The following UGGT2 variants were observed in gnomAD, a reference collection of about 807,000 sequenced individuals.
UGGT2 encodes UDP-glucose glycoprotein glucosyltransferase 2.
A neutral mutation model predicts 192.1 loss-of-function variants in UGGT2; 180 were observed. The observed-to-expected ratio is 0.94, with a 90% CI of 0.83 to 1.06. UGGT2 has a LOEUF of 1.06. UGGT2 is among the 50% of genes least tolerant of loss of function. The pLI, the probability that UGGT2 is intolerant of heterozygous loss-of-function variation, is 0.00. For synonymous variants in UGGT2, 580 were observed against 591.0 expected (o/e 0.98, Z 0.27); for missense variants, 1,849 against 1,795.7 (o/e 1.03, Z -0.54).
chr13:96,001,177 C>T (rs928993097), intron 5 of UGGT2, among the ~76,000 whole-genome samples: 6 of 152,174 alleles, frequency 3.9e-5, no homozygotes, highest in Non-Finnish European at 7.3e-5. Context: ...CCTGAAGTAA[C>T]TGAAGAATCA....
At chr13:95,884,979 A>C (rs1263266428) in intron 26 of UGGT2, among the ~76,000 whole-genome samples, 5 of 152,166 alleles carry the variant, frequency 3.3e-5, no homozygotes, top group African/African-American at 9.7e-5. Flanking sequence ...ATGATCTGTT[A>C]TTGTATTATG....
intron 24 of UGGT2, among the ~76,000 whole-genome samples, 156 bp downstream of exon 24, chr13:95,894,402 ATAAC>A (rs1298183847): frequency 1.3e-5 from 2 of 152,186 alleles, no homozygotes; most frequent in African/African-American, 4.8e-5. Flanking sequence ...ACTAGAATAT[ATAAC>A]TAACTGGAAT....
intron 1 of UGGT2, among the ~76,000 whole-genome samples, chr13:96,051,633 T>C (rs2053488832): frequency 1.4e-5 from 2 of 142,544 alleles, no homozygotes; most frequent in African/African-American, 5.0e-5. Flanking sequence ...GGAACTCAAA[T>C]CAGCAGGAAA....
chr13:95,888,589 C>T (rs1278914342), intron 25 of UGGT2, among the ~76,000 whole-genome samples: 2 of 152,056 alleles, frequency 1.3e-5, no homozygotes. Context: ...GAAATTAGAA[C>T]ATAAAGACTA....
chr13:95,807,352 G>C (rs1235024746), intron 38 of UGGT2, among the ~76,000 whole-genome samples: 1 of 152,092 alleles, frequency 6.6e-6, no homozygotes, highest in East Asian at 1.9e-4. Context: ...GGTAGAAGGG[G>C]AGGCAGCAGA....
At chr13:95,925,589 G>T (rs907240111) in intron 20 of UGGT2, 91 bp downstream of exon 20, 12 of 850,072 alleles carry the variant, frequency 1.4e-5, no homozygotes, top group Non-Finnish European at 2.0e-5. Flanking sequence ...ACATTAACAT[G>T]GAGGGGAAAA....
intron 17 of UGGT2, among the ~76,000 whole-genome samples, chr13:95,929,037 T>C (rs969506856): frequency 1.3e-5 from 2 of 151,824 alleles, no homozygotes; most frequent in Admixed American, 6.5e-5. Context: ...CACCAAAAAA[T>C]ACGAAAACCA....
At chr13:95,899,099 ACT>A (rs1183566528) in intron 22 of UGGT2, among the ~76,000 whole-genome samples, 1 of 152,116 alleles carries the variant, frequency 6.6e-6, no homozygotes, top group Non-Finnish European at 1.5e-5. Context: ...TGAAGGGAGC[ACT>A]CTGTTGCCCT....
intron 12 of UGGT2, among the ~76,000 whole-genome samples, chr13:95,963,172 CA>C (rs1395129277): frequency 6.6e-6 from 1 of 151,802 alleles, no homozygotes; most frequent in Non-Finnish European, 1.5e-5. Flanking sequence ...ACTAGTAAGC[CA>C]AATCCAAAAG....
At chr13:95,809,344 G>A in intron 38 of UGGT2, 1 of 456,300 alleles carries the variant, frequency 2.2e-6, no homozygotes, top group Non-Finnish European at 4.3e-6. Context: ...CTTCATTGGA[G>A]GCTGAACTCT....
chr13:96,022,155 T>C (rs993838648), intron 4 of UGGT2, among the ~76,000 whole-genome samples: 3 of 152,042 alleles, frequency 2.0e-5, no homozygotes, highest in Non-Finnish European at 4.4e-5. Context: ...AAATAGACCA[T>C]AATATAAATA....
At chr13:95,883,374 G>A (rs1327841444) in intron 27 of UGGT2, among the ~76,000 whole-genome samples, 1 of 151,986 alleles carries the variant, frequency 6.6e-6, no homozygotes, top group African/African-American at 2.4e-5. Flanking sequence ...GGACAATAAG[G>A]AGAAGGAAGT....
chr13:95,895,463 G>T (rs1477649966), intron 22 of UGGT2, among the ~76,000 whole-genome samples, 159 bp from the exon 23 acceptor site: 1 of 151,776 alleles, frequency 6.6e-6, no homozygotes, highest in Admixed American at 6.6e-5. Flanking sequence ...AATACGCTAG[G>T]AAACAAGATA....
chr13:95,980,460 C>G (rs191880587), intron 10 of UGGT2, among the ~76,000 whole-genome samples: 1 of 151,180 alleles, frequency 6.6e-6, no homozygotes, highest in African/African-American at 2.4e-5. Flanking sequence ...GGGGAAAGGG[C>G]GGGGGGTGGC....
chr13:95,842,908 A>G (rs1446376729), intron 36 of UGGT2, among the ~76,000 whole-genome samples: 1 of 152,192 alleles, frequency 6.6e-6, no homozygotes, highest in Non-Finnish European at 1.5e-5. Flanking sequence ...GTCTTGAGAG[A>G]TACAATGAAG....
intron 32 of UGGT2, 57 bp from the exon 33 acceptor site, chr13:95,859,732 A>G (rs1227644211): frequency 7.8e-7 from 1 of 1,283,198 alleles, no homozygotes; most frequent in Non-Finnish European, 1.1e-6. Flanking sequence ...GCTCATATAT[A>G]TTTTTTAACC....
chr13:96,006,665 A>G (rs1397631777), intron 5 of UGGT2, among the ~76,000 whole-genome samples: 1 of 151,706 alleles, frequency 6.6e-6, no homozygotes, highest in East Asian at 1.9e-4. Context: ...GTTAACTCCA[A>G]GGCAGGTCAA....
intron 36 of UGGT2, among the ~76,000 whole-genome samples, chr13:95,845,664 G>C (rs372817671): frequency 6.6e-6 from 1 of 152,070 alleles, no homozygotes; most frequent in South Asian, 2.1e-4. Context: ...ATCATGGCCC[G>C]TTCTCAATGA....
chr13:95,963,448 C>T lies in UGGT2; in HGVS notation c.1335+6664G>A, dbSNP rs540369476. 3.9e-5 allele frequency among the ~76,000 whole-genome samples: 6 copies of T among 152,210 alleles called. No homozygotes were observed. The East Asian group carries it at 5.8e-4, about 15-fold the overall frequency. Reference sequence around the variant, plus strand: ...TGACAAACACACAGCTAACATCATACGCACTGTGGAAAAGCTGAGTTCTAA... The same window carrying T: ...TGACAAACACACAGCTAACATCATATGCACTGTGGAAAAGCTGAGTTCTAA... On this transcript the variant is annotated intron_variant, in intron 12 of 38. Coordinates refer to ENST00000376747, the MANE Select transcript of UGGT2 (RefSeq NM_020121.4).
Sources: allele counts gnomAD v4.1 joint callset (sites outside exome capture counted in the v4.1 genomes callset), GRCh38; gene constraint gnomAD v4.1.1; transcripts MANE v1.5; gene names NCBI Gene and HGNC (gene_info 2026-07-23, HGNC 2026-07-21).